Variants in PCDHA11 observed in about 807,000 individuals in gnomAD.
The protein encoded by PCDHA11 is protocadherin alpha-11.
A neutral mutation model predicts 70.3 loss-of-function variants in PCDHA11; 61 were observed. The ratio of observed to expected loss-of-function variants is 0.87; its 90% CI spans 0.71 to 1.07. PCDHA11 has a LOEUF of 1.07. PCDHA11 is among the 50% of genes least tolerant of loss of function. The pLI, the probability that PCDHA11 is intolerant of heterozygous loss-of-function variation, is 0.00. For synonymous variants in PCDHA11, 633 were observed against 555.1 expected (o/e 1.14, Z -1.97); for missense variants, 1,324 against 1,237.5 (o/e 1.07, Z -1.05).
chr5:140,878,370 T>G (rs1049956194), intron 1 of PCDHA11, among the ~76,000 whole-genome samples: 1 of 152,272 alleles, frequency 6.6e-6, no homozygotes, highest in Non-Finnish European at 1.5e-5. Context: ...GTCTGACATA[T>G]GATGAATGAT....
At position 140,870,131 on chromosome 5, in the gene PCDHA11, A is replaced by G. The variant is rs782486118; in HGVS notation, c.1028A>G (p.Asn343Ser). The G allele has an allele frequency of 2.6e-5, 42 of 1,613,870 alleles. No individual in the cohort carries two copies. In the Admixed American group the frequency reaches 4.2e-4, roughly 16 times the overall value. Residue 343 changes from asparagine (N) to serine (S), a missense_variant, in exon 1 of 4, where the codon AAC becomes AGC. Coordinates refer to ENST00000398640, the MANE Select transcript of PCDHA11 (RefSeq NM_018902.5). The part of the protein sequence containing the change: ...CTVWVEILDT[N>S]DNSPEVAVTS... Reference sequence around the variant, plus strand: ...GTCTGGGTGGAAATCTTGGACACCAACGATAACTCTCCTGAAGTCGCCGTG... The same window carrying G: ...GTCTGGGTGGAAATCTTGGACACCAGCGATAACTCTCCTGAAGTCGCCGTG...
At chr5:140,944,655 C>A (rs1045047658) in intron 1 of PCDHA11, among the ~76,000 whole-genome samples, 3 of 152,128 alleles carry the variant, frequency 2.0e-5, no homozygotes, top group Admixed American at 2.0e-4. Flanking sequence ...GGAGTCCATA[C>A]CCCTTATTTA....
At chr5:140,927,741 C>T (rs782292892) in intron 1 of PCDHA11, 1 of 1,614,244 alleles carries the variant, frequency 6.2e-7, no homozygotes, top group East Asian at 2.2e-5. Flanking sequence ...TGCGACACCG[C>T]TTTCACGTGC....
At chr5:140,987,431 C>G (rs187493051) in intron 3 of PCDHA11, among the ~76,000 whole-genome samples, 1 of 152,232 alleles carries the variant, frequency 6.6e-6, no homozygotes, top group East Asian at 1.9e-4. Context: ...AGCAGGGGGC[C>G]TTTCCCCATG....
At chr5:140,967,282 GC>G in intron 1 of PCDHA11, 1 of 1,613,078 alleles carries the variant, frequency 6.2e-7, no homozygotes, top group Non-Finnish European at 8.5e-7. Flanking sequence ...TAGAGAGTGC[GC>G]AGGACCCCGA....
At chr5:140,983,807 G>A (rs1158459034) in intron 3 of PCDHA11, among the ~76,000 whole-genome samples, 1 of 152,100 alleles carries the variant, frequency 6.6e-6, no homozygotes, top group African/African-American at 2.4e-5. Context: ...TGTGTAAAAG[G>A]TTTTTTCCCA....
rs1554163970 is a variant in PCDHA11 at position 140,870,264 on chromosome 5, G to C, written c.1161G>C (p.Ser387=). The change falls in exon 1 of 4, where the codon TCG becomes TCC. Residue 387 remains serine (S), a synonymous_variant. Coordinates refer to ENST00000398640, the MANE Select transcript of PCDHA11 (RefSeq NM_018902.5). ...DSGVNGQVTC[S]LTPHVPFKLV... ...GTGTCAACGGACAGGTGACCTGCTC[G>C]CTGACGCCCCACGTTCCCTTCAAGC... 6.2e-7 allele frequency: 1 copy of C among 1,614,166 alleles called. No homozygotes were observed. Among genetic ancestry groups the C allele is most frequent in the South Asian group, 1.1e-5 (1 of 91,080 alleles).
intron 3 of PCDHA11, among the ~76,000 whole-genome samples, chr5:141,002,901 G>C (rs2098101392): frequency 6.6e-6 from 1 of 152,224 alleles, no homozygotes; most frequent in Admixed American, 6.5e-5. Flanking sequence ...GCAAGATGAA[G>C]AGAAGATCAG....
At position 140,931,440 on chromosome 5, in the gene PCDHA11, A is replaced by C. The variant is rs539915059; in HGVS notation, c.2392-47509A>C. Among the ~76,000 whole-genome samples the C allele has an allele frequency of 2.1e-5, 3 of 141,482 alleles. No individual in the cohort carries two copies. In the South Asian group the frequency reaches 6.9e-4, roughly 32 times the overall value. 92.8% of individuals were successfully genotyped at this position (141,482 alleles called of 152,430 possible). A position where few individuals can be genotyped will look rare whatever the true frequency, so the allele number is the denominator to read the frequency against. ...CTAGAAGTTAGAAGGAAAATTAGCT[A>C]TTTAAAAGGAAAAATATAGGAATGA... On this transcript the variant is annotated intron_variant, in intron 1 of 3. Transcript: ENST00000398640.
At chr5:140,902,437 T>A (rs2069464443) in intron 1 of PCDHA11, among the ~76,000 whole-genome samples, 3 of 152,154 alleles carry the variant, frequency 2.0e-5, no homozygotes, top group Admixed American at 2.0e-4. Context: ...GGCATCCTTG[T>A]CATATTCTAG....
At chr5:140,903,076 C>T (rs1479702171) in intron 1 of PCDHA11, among the ~76,000 whole-genome samples, 1 of 152,122 alleles carries the variant, frequency 6.6e-6, no homozygotes, top group Admixed American at 6.5e-5. Flanking sequence ...GGGTAGATAC[C>T]TGATAGTGGC....
chr5:140,967,610 T>A, intron 1 of PCDHA11: 1 of 1,614,108 alleles, frequency 6.2e-7, no homozygotes, highest in Non-Finnish European at 8.5e-7. Context: ...GCTGAATGCC[T>A]CAGACCCGGA....
In PCDHA11 at chr5:141,000,611, A is replaced by T. The variant is rs185617081; in HGVS notation, c.2540-9016A>T. Among the ~76,000 whole-genome samples the T allele has an allele frequency of 4.7e-3, 713 of 150,994 alleles. 3 individuals carry two copies. Among genetic ancestry groups the T allele is most frequent in the Non-Finnish European group, 7.5e-3 (505 of 67,758 alleles). ...CCCAGCTAATTTTTGTATTTTTAGT[A>T]GAGACAGGGTTTCACCATGTTGGGC... On this transcript the variant is annotated intron_variant, in intron 3 of 3. Transcript: ENST00000398640.
intron 1 of PCDHA11, chr5:140,876,387 T>C (rs2056316391): frequency 6.2e-7 from 1 of 1,613,830 alleles, no homozygotes; most frequent in Admixed American, 1.7e-5. Flanking sequence ...TTAGAATTTA[T>C]GGTGAACTGG....
chr5:140,941,286 CTCTT>C (rs5871754), intron 1 of PCDHA11, among the ~76,000 whole-genome samples: 36,780 of 106,460 alleles, frequency 0.35, 6,423 homozygotes, highest in East Asian at 0.56. Flanking sequence ...TCCTTCCTTT[CTCTT>C]TCTTTCTTTC....
intron 1 of PCDHA11, among the ~76,000 whole-genome samples, chr5:140,933,965 T>A (rs1400091615): frequency 2.6e-5 from 4 of 152,064 alleles, no homozygotes; most frequent in Non-Finnish European, 5.9e-5. Flanking sequence ...GTAGTGATGT[T>A]TCCCTTTTCA....
At chr5:140,983,239 C>A (rs557831259) in intron 3 of PCDHA11, among the ~76,000 whole-genome samples, 53 of 152,294 alleles carry the variant, frequency 3.5e-4, no homozygotes, top group African/African-American at 1.2e-3. Context: ...GGAAAGAGAA[C>A]CTGCTAAGTT....
chr5:140,942,410 A>T (rs1047414912), intron 1 of PCDHA11, among the ~76,000 whole-genome samples: 3 of 142,238 alleles, frequency 2.1e-5, no homozygotes, highest in Non-Finnish European at 3.1e-5. Context: ...GACTCTGTTT[A>T]AAAAAAAAAA....
At position 140,924,894 on chromosome 5, in the gene PCDHA11, C is replaced by CAAAAAA. The variant is rs782133089; in HGVS notation, c.2391+53406_2391+53411dup. Among the ~76,000 whole-genome samples, 6 of 71,470 alleles carry CAAAAAA rather than the reference C, an allele frequency of 8.4e-5. No homozygotes were observed. In the East Asian group the frequency reaches 2.6e-3, roughly 31 times the overall value. 46.9% of individuals were successfully genotyped at this position (71,470 alleles called of 152,430 possible). A position where few individuals can be genotyped will look rare whatever the true frequency, so the allele number is the denominator to read the frequency against. On this transcript the variant is annotated intron_variant, in intron 1 of 3. Transcript: ENST00000398640. ...TGGGTGACAGAGCAAGAACCTGTCT[C>CAAAAAA]AAAAAAAAAAATAAAATAAAATAAA... is the stretch of plus-strand genomic sequence containing the variant.
Sources: allele counts gnomAD v4.1 joint callset (sites outside exome capture counted in the v4.1 genomes callset), GRCh38; gene constraint gnomAD v4.1.1; transcripts MANE v1.5; gene names NCBI Gene and HGNC (gene_info 2026-07-23, HGNC 2026-07-21).